Variants in SFMBT2 observed in about 807,000 individuals in gnomAD.
SFMBT2 encodes Scm like with four mbt domains 2.
In SFMBT2, 38 loss-of-function variants were observed where a neutral mutation model predicts 110.1. The observed-to-expected ratio is 0.35, with a 90% CI of 0.27 to 0.45. The LOEUF (loss-of-function observed/expected upper bound fraction) is 0.45. Among genes scored for constraint, SFMBT2 ranks in the 20% least tolerant of loss-of-function variants. SFMBT2 has a pLI of 1.00. For missense variants in SFMBT2, 1,011 were observed against 1,094.9 expected, an observed-to-expected ratio of 0.92 and a Z score of 1.08; for synonymous variants, 425 against 425.4, an observed-to-expected ratio of 1.00 and a Z score of 0.01.
chr10:7,271,522 C>G (rs1265815556), intron 7 of SFMBT2, among the ~76,000 whole-genome samples: 2 of 152,110 alleles, frequency 1.3e-5, no homozygotes, highest in African/African-American at 2.4e-5. Context: ...TGTGACAGAA[C>G]AAGCTGCTGA....
At chr10:7,282,508 G>A (rs1485199243) in intron 6 of SFMBT2, among the ~76,000 whole-genome samples, 1 of 152,164 alleles carries the variant, frequency 6.6e-6, no homozygotes, top group Non-Finnish European at 1.5e-5. Flanking sequence ...GGCAAACCCG[G>A]GCTTACATCC....
chr10:7,290,494 AG>A (rs1249068217), intron 4 of SFMBT2, among the ~76,000 whole-genome samples: 2 of 152,120 alleles, frequency 1.3e-5, no homozygotes, highest in East Asian at 3.9e-4. Context: ...ATGCTTCTTG[AG>A]GACATTTAAA....
At position 7,367,241 on chromosome 10, in the gene SFMBT2, A is replaced by G. The variant is rs1844937422; in HGVS notation, c.436+408T>C. On this transcript the variant is annotated intron_variant, in intron 4 of 20. Transcript: ENST00000397167. This position sits in a 1 kb window ranked among gnomAD's most constrained non-coding sequence, Gnocchi z 6.2. ...CGACTTGCTAAAGCAGAAGAAAAGCAACATGGCCAATCACCAAACACAAGA... is the reference window on the plus strand; with the variant it reads ...CGACTTGCTAAAGCAGAAGAAAAGCGACATGGCCAATCACCAAACACAAGA... Among the ~76,000 whole-genome samples the G allele has an allele frequency of 6.6e-6, 1 of 152,108 alleles. No individual in the cohort carries two copies. The highest frequency in any genetic ancestry group is 1.5e-5 in the Non-Finnish European group (1 of 68,028).
chr10:7,289,612 G>A (rs992477274), intron 4 of SFMBT2, among the ~76,000 whole-genome samples: 6 of 152,086 alleles, frequency 3.9e-5, no homozygotes, highest in Admixed American at 1.3e-4. Context: ...AGCCATAAAC[G>A]TATACAGACC....
intron 16 of SFMBT2, among the ~76,000 whole-genome samples, chr10:7,177,772 T>A (rs1194514671): frequency 6.6e-6 from 1 of 151,952 alleles, no homozygotes; most frequent in Non-Finnish European, 1.5e-5. Flanking sequence ...GCAGGAGGAT[T>A]CCTTGAGCAC....
intron 15 of SFMBT2, among the ~76,000 whole-genome samples, chr10:7,195,806 T>C (rs899479205): frequency 4.6e-5 from 7 of 152,206 alleles, no homozygotes; most frequent in Non-Finnish European, 1.0e-4. Context: ...TGGGACCACG[T>C]GGCTACCTTC....
At chr10:7,184,749 TA>T (rs1838345445) in intron 16 of SFMBT2, among the ~76,000 whole-genome samples, 1 of 152,078 alleles carries the variant, frequency 6.6e-6, no homozygotes, top group African/African-American at 2.4e-5. Context: ...CAGGCAGGGA[TA>T]GGGGTGTGGG....
chr10:7,173,102 C>T (rs1013123997), intron 17 of SFMBT2, among the ~76,000 whole-genome samples: 6 of 152,230 alleles, frequency 3.9e-5, no homozygotes, highest in African/African-American at 1.2e-4. Context: ...TGCTGACACC[C>T]TGATCTTGGA....
rs1235065447 is a variant in SFMBT2, at chr10:7,283,930, T to C, written c.746A>G (p.Asn249Ser). The C allele has an allele frequency of 5.6e-6, 9 of 1,602,334 alleles. No individual in the cohort carries two copies. The highest frequency in any genetic ancestry group is 7.7e-6 in the Non-Finnish European group (9 of 1,169,336). Reference sequence around the variant, plus strand: ...TGAAGGTGGGTCCATTCTGTATTTATTCTCTTGACACCAACCAACTGGTCG... The same window carrying C: ...TGAAGGTGGGTCCATTCTGTATTTACTCTCTTGACACCAACCAACTGGTCG... ...RLRPVGWCQE[N>S]KYRMDPPSEI... Residue 249 changes from asparagine (N) to serine (S), a missense_variant, in exon 6 of 21, where the codon AAT (asparagine) becomes AGT (serine). By Grantham distance (46) the Asn-to-Ser change is conservative. This residue lies in a region of SFMBT2 where 979 missense variants were observed against 1,016.1 expected (regional missense o/e 0.96). Coordinates refer to ENST00000397167, the MANE Select transcript of SFMBT2 (RefSeq NM_001387889.1).
rs1298669912 is a variant in SFMBT2, at chr10:7,163,672, G to C, written c.*98C>G. 1.5e-5 allele frequency: 17 copies of C among 1,100,952 alleles called. No individual in the cohort carries two copies. The East Asian group carries it at 4.1e-4, about 27-fold the overall frequency. 68.2% of individuals were successfully genotyped at this position (1,100,952 alleles called of 1,614,324 possible). On this transcript the variant is annotated 3_prime_UTR_variant, in exon 21 of 21. Transcript: ENST00000397167. This position sits in a 1 kb window ranked among gnomAD's most constrained non-coding sequence, Gnocchi z 4.8. ...GGTTTTCTGGTGATACTTAGTGGCT[G>C]TACCATTTAACATATCCCGGAAAAT...
At chr10:7,308,452 T>TA (rs967008539) in intron 4 of SFMBT2, among the ~76,000 whole-genome samples, 186 of 149,492 alleles carry the variant, frequency 1.2e-3, no homozygotes, top group Middle Eastern at 3.4e-3. Flanking sequence ...ACCTTTTCCT[T>TA]AAAAAAAAAA....
chr10:7,374,383 G>A (rs972746921), intron 2 of SFMBT2, among the ~76,000 whole-genome samples: 1 of 152,106 alleles, frequency 6.6e-6, no homozygotes. Context: ...ACAAAGATTC[G>A]ATGATTCTAT....
chr10:7,357,811 C>A (rs1284170776), intron 4 of SFMBT2, among the ~76,000 whole-genome samples: 1 of 152,216 alleles, frequency 6.6e-6, no homozygotes, highest in East Asian at 1.9e-4. Flanking sequence ...GAGAGCCAGG[C>A]TCAAAAAGGC....
At chr10:7,314,071 G>A (rs1020607073) in intron 4 of SFMBT2, among the ~76,000 whole-genome samples, 43 of 152,174 alleles carry the variant, frequency 2.8e-4, no homozygotes, top group African/African-American at 9.9e-4. Context: ...TGGAAAAATA[G>A]CATGAACCCC....
chr10:7,264,558 A>G (rs150853669), intron 7 of SFMBT2, among the ~76,000 whole-genome samples: 76 of 152,306 alleles, frequency 5.0e-4, no homozygotes, highest in South Asian at 3.1e-3. Context: ...CAGGGAGGTG[A>G]TAAGAGAATG....
intron 4 of SFMBT2, among the ~76,000 whole-genome samples, chr10:7,290,514 CA>C (rs1842231507): frequency 6.6e-6 from 1 of 152,054 alleles, no homozygotes; most frequent in Admixed American, 6.6e-5. Flanking sequence ...AAGATGGACC[CA>C]AATCCCACAA....
At chr10:7,214,782 A>G (rs1303701248) in intron 11 of SFMBT2, 1 of 984,482 alleles carries the variant, frequency 1.0e-6, no homozygotes, top group African/African-American at 1.7e-5. Flanking sequence ...TTTTGTCATT[A>G]TTTATTTTTC....
rs1046310798 is a variant in SFMBT2 at position 7,162,954 on chromosome 10, T to C, written c.*816A>G. ...CCTGTCTCTACCAAAAATACAAAAA[T>C]TAGCCAGGCATGGTGGTGGGTGCCT... On this transcript the variant is annotated 3_prime_UTR_variant, in exon 21 of 21. Coordinates refer to ENST00000397167, the MANE Select transcript of SFMBT2 (RefSeq NM_001387889.1). The C allele has an allele frequency of 2.0e-5, 3 of 152,348 alleles. No individual in the cohort carries two copies. The highest frequency in any genetic ancestry group is 7.2e-5 in the African/African-American group (3 of 41,388). The allele number at this position is 152,348 out of a possible 1,614,324, so 9.4% of individuals were successfully genotyped here. A position where few individuals can be genotyped will look rare whatever the true frequency, so the allele number is the denominator to read the frequency against.
intron 4 of SFMBT2, among the ~76,000 whole-genome samples, chr10:7,290,049 T>C (rs1842216776): frequency 6.6e-6 from 1 of 152,158 alleles, no homozygotes; most frequent in Non-Finnish European, 1.5e-5. Context: ...ATTCTTCAAA[T>C]TGAAGGACCA....
Sources: gnomAD v4.1 joint callset for allele counts (sites outside exome capture counted in the v4.1 genomes callset) on GRCh38, gnomAD v4.1.1 for gene constraint, gnomAD v4.1.1 regional missense constraint, Gnocchi (gnomAD v3.1) non-coding constraint, MANE v1.5 for transcripts, NCBI Gene and HGNC (gene_info 2026-07-23, HGNC 2026-07-21) for gene names.